Variants in RTN4 observed in about 807,000 individuals in gnomAD.
RTN4 encodes reticulon-4.
Under a neutral mutation model 90.4 loss-of-function variants are expected in RTN4, and 32 were observed. The ratio of observed to expected loss-of-function variants is 0.35; its 90% CI spans 0.27 to 0.48. The LOEUF (loss-of-function observed/expected upper bound fraction) is 0.48. RTN4 is among the 20% of genes least tolerant of loss of function. RTN4 has a pLI of 0.99. For missense variants in RTN4, 1,706 were observed against 1,430.2 expected (o/e 1.19, Z -3.11); for synonymous variants, 629 against 552.5 (o/e 1.14, Z -1.94).
chr2:55,002,225 A>AT (rs1679901480), intron 3 of RTN4, among the ~76,000 whole-genome samples: 1 of 151,592 alleles, frequency 6.6e-6, no homozygotes, highest in Non-Finnish European at 1.5e-5. Context: ...CACCAAGCTA[A>AT]TTTTTTAAAA....
Position 55,025,266 on chromosome 2 carries a change from T to G in RTN4, c.2833A>C (p.Thr945Pro). Reference sequence around the variant, plus strand: ...GGAGGCAATAAGAGCACCTTTGATGTAGCAGACCCATTTTTAGAAAAGTCA... The same window carrying G: ...GGAGGCAATAAGAGCACCTTTGATGGAGCAGACCCATTTTTAGAAAAGTCA... ...SDDFSKNGSA[T>P]SKVLLLPPDV... The change falls in exon 3 of 9, where the codon ACA becomes CCA. Residue 945 changes from threonine to proline, a missense_variant. Physicochemically the swap from Thr to Pro is conservative, Grantham distance 38 (BLOSUM62 -1). Transcript: ENST00000337526. 6.2e-7 allele frequency: 1 copy of G among 1,613,904 alleles called. No individual in the cohort carries two copies. Among genetic ancestry groups the G allele is most frequent in the Non-Finnish European group, 8.5e-7 (1 of 1,179,858 alleles).
At chr2:55,012,301 C>T (rs908311621) in intron 3 of RTN4, among the ~76,000 whole-genome samples, 1 of 152,114 alleles carries the variant, frequency 6.6e-6, no homozygotes, top group Non-Finnish European at 1.5e-5. Flanking sequence ...CTTAATAGCA[C>T]CCCTGACAGA....
At chr2:55,126,892 G>A in the RTN4 span, among the ~76,000 whole-genome samples, 1 of 152,146 alleles carries the variant, frequency 6.6e-6, no homozygotes, top group African/African-American at 2.4e-5. Flanking sequence ...GGATGCAGCT[G>A]GAGGCAAATT....
intron 3 of RTN4, among the ~76,000 whole-genome samples, chr2:55,001,730 C>T (rs1448093232): frequency 1.3e-5 from 2 of 152,118 alleles, no homozygotes; most frequent in Non-Finnish European, 2.9e-5. Context: ...AAAACGGAGC[C>T]TCTCACTTCA....
intron 1 of RTN4, among the ~76,000 whole-genome samples, chr2:55,107,198 G>A (rs1039289120): frequency 2.6e-5 from 4 of 151,202 alleles, no homozygotes; most frequent in South Asian, 4.2e-4. Context: ...GTTTAGTTGC[G>A]TGTATTTTTT....
chr2:54,981,179 T>C (rs1263644508), intron 5 of RTN4, among the ~76,000 whole-genome samples: 1 of 151,706 alleles, frequency 6.6e-6, no homozygotes, highest in Non-Finnish European at 1.5e-5. Flanking sequence ...TAAATAAAAA[T>C]AAGAGATGCG....
intron 2 of RTN4, among the ~76,000 whole-genome samples, chr2:55,069,957 G>A (rs1377641060): frequency 2.0e-5 from 3 of 152,172 alleles, no homozygotes; most frequent in Admixed American, 6.5e-5. Flanking sequence ...TTAAGAGAAA[G>A]CAGCAAATGT....
chr2:54,999,371 A>G (rs1333741170), intron 3 of RTN4, among the ~76,000 whole-genome samples: 1 of 152,196 alleles, frequency 6.6e-6, no homozygotes, highest in Non-Finnish European at 1.5e-5. Flanking sequence ...TACGTGCAGA[A>G]GTCATCCAAT....
chr2:55,004,765 A>G (rs574886329), intron 3 of RTN4, among the ~76,000 whole-genome samples: 2 of 152,260 alleles, frequency 1.3e-5, no homozygotes, highest in Admixed American at 6.5e-5. Flanking sequence ...CTTCAAAAAA[A>G]TTTGGAGGCT....
chr2:55,096,004 G>A (rs931059888), intron 1 of RTN4, among the ~76,000 whole-genome samples: 7 of 152,138 alleles, frequency 4.6e-5, no homozygotes, highest in African/African-American at 1.7e-4. Flanking sequence ...AGACTACAGA[G>A]GTAAAGTACC....
the RTN4 span, among the ~76,000 whole-genome samples, chr2:55,125,531 C>T: frequency 6.6e-6 from 1 of 152,176 alleles, no homozygotes; most frequent in South Asian, 2.1e-4. Flanking sequence ...TCTGGGAGGC[C>T]AAGGCAGGCA....
chr2:55,038,767 G>A (rs905030888), intron 1 of RTN4, among the ~76,000 whole-genome samples: 1 of 152,204 alleles, frequency 6.6e-6, no homozygotes, highest in Non-Finnish European at 1.5e-5. Context: ...ATTTACCTAA[G>A]AGAAATGAAA....
intron 5 of RTN4, among the ~76,000 whole-genome samples, chr2:54,975,545 A>G (rs564362681): frequency 5.3e-5 from 8 of 152,338 alleles, no homozygotes; most frequent in Admixed American, 4.6e-4. Context: ...TATGGGCCAC[A>G]TAGGGTTTGT....
At chr2:54,990,056 A>T (rs2104688188) in intron 3 of RTN4, among the ~76,000 whole-genome samples, 1 of 152,248 alleles carries the variant, frequency 6.6e-6, no homozygotes, top group Non-Finnish European at 1.5e-5. Context: ...CACCTAGACT[A>T]AAAAAATGGT....
At chr2:55,104,124 C>T (rs1667901084) in intron 1 of RTN4, among the ~76,000 whole-genome samples, 1 of 152,038 alleles carries the variant, frequency 6.6e-6, no homozygotes, top group Admixed American at 6.6e-5. Context: ...TAGCTGGGCT[C>T]ACTGCAACCT....
intron 4 of RTN4, among the ~76,000 whole-genome samples, chr2:54,986,202 T>G (rs1039978087): frequency 2.0e-5 from 3 of 152,180 alleles, no homozygotes; most frequent in African/African-American, 7.2e-5. Flanking sequence ...TTCTTTTGTT[T>G]TTTTTCTCTT....
chr2:54,981,387 C>T (rs1318803368), intron 5 of RTN4, among the ~76,000 whole-genome samples: 3 of 151,380 alleles, frequency 2.0e-5, no homozygotes, highest in East Asian at 1.9e-4. Context: ...ACTACTATAT[C>T]CTTGGCATGT....
the RTN4 span, among the ~76,000 whole-genome samples, chr2:55,126,253 C>T: frequency 4.6e-5 from 7 of 151,940 alleles, no homozygotes; most frequent in African/African-American, 1.7e-4. Context: ...CCTGTAATCT[C>T]AGCTACTGGA....
chr2:55,036,959 A>G (rs1682735217), intron 1 of RTN4, among the ~76,000 whole-genome samples: 1 of 152,234 alleles, frequency 6.6e-6, no homozygotes, highest in South Asian at 2.1e-4. Flanking sequence ...TAACTTACAG[A>G]CAACAGGACT....
Sources: allele counts gnomAD v4.1 joint callset (sites outside exome capture counted in the v4.1 genomes callset), GRCh38; gene constraint gnomAD v4.1.1; transcripts MANE v1.5; gene names NCBI Gene and HGNC (gene_info 2026-07-23, HGNC 2026-07-21).